The following EIF4B variants were observed in gnomAD, a reference collection of about 807,000 sequenced individuals.
EIF4B encodes eukaryotic translation initiation factor 4B.
Under a neutral mutation model 79.3 loss-of-function variants are expected in EIF4B, and 8 were observed. That is an observed-to-expected ratio of 0.10 (90% CI 0.06 to 0.18). EIF4B has a LOEUF of 0.18. Among genes scored for constraint, EIF4B ranks in the 10% least tolerant of loss-of-function variants. The probability of loss-of-function intolerance (pLI) is 1.00; values close to 1 mark genes in which losing one functional copy is unlikely to be tolerated. For missense variants in EIF4B, 515 were observed against 792.4 expected (o/e 0.65, Z 4.20); for synonymous variants, 238 against 274.7 (o/e 0.87, Z 1.32).
chr12:53,022,929 C>G (rs1378789178), intron 6 of EIF4B, among the ~76,000 whole-genome samples: 2 of 152,060 alleles, frequency 1.3e-5, no homozygotes, highest in African/African-American at 4.8e-5. Flanking sequence ...TTTGGGAGGT[C>G]AAGGCAGGTG....
chr12:53,019,432 TATATA>T lies in EIF4B; in HGVS notation c.360+427_360+431del, dbSNP rs201958131. Among the ~76,000 whole-genome samples the T allele has an allele frequency of 1.1e-3, 84 of 74,316 alleles. 1 individual carries two copies. Among genetic ancestry groups the T allele is most frequent in the East Asian group, 2.9e-3 (6 of 2,104 alleles). The allele number at this position is 74,316 out of a possible 152,430, so 48.8% of individuals were successfully genotyped here. A position where few individuals can be genotyped will look rare whatever the true frequency, so the allele number is the denominator to read the frequency against. On this transcript the variant is annotated intron_variant, in intron 3 of 14. Transcript: ENST00000262056. ...AAAAATAAAATCAAAATTATATATATATATATTTTTTTTTTTTCTTTTTTTTTTTT... is the reference window on the plus strand; with the variant it reads ...AAAAATAAAATCAAAATTATATATATTTTTTTTTTTTTCTTTTTTTTTTTT...
chr12:53,016,412 T>C (rs1360729816), intron 1 of EIF4B, 61 bp from the exon 2 acceptor site: 5 of 1,597,634 alleles, frequency 3.1e-6, no homozygotes, highest in South Asian at 1.1e-5. Context: ...AATATTGCAT[T>C]GTACAACTCT....
chr12:53,039,436 C>T, intron 13 of EIF4B, 93 bp downstream of exon 13: 1 of 1,257,538 alleles, frequency 8.0e-7, no homozygotes, highest in Non-Finnish European at 1.1e-6. Context: ...TGCCAGATCG[C>T]TCATTGTGAG....
chr12:53,016,623 T>C lies in EIF4B; in HGVS notation c.151+13T>C, dbSNP rs774501454. Reference sequence around the variant, plus strand: ...CTGGAAGGAGATGGTAACTTTTCTTTTGTCATCGTGTTTGGAATGTTTATT... The same window carrying C: ...CTGGAAGGAGATGGTAACTTTTCTTCTGTCATCGTGTTTGGAATGTTTATT... On this transcript the variant is annotated intron_variant, in intron 2 of 14. Transcript: ENST00000262056. The C allele has an allele frequency of 2.6e-6, 4 of 1,564,638 alleles. No individual in the cohort carries two copies. Among genetic ancestry groups the C allele is most frequent in the Non-Finnish European group, 2.6e-6 (3 of 1,159,548 alleles).
chr12:53,011,168 G>A (rs188164866), intron 1 of EIF4B, among the ~76,000 whole-genome samples: 1 of 152,242 alleles, frequency 6.6e-6, no homozygotes, highest in East Asian at 1.9e-4. Context: ...TTGGGAGGCT[G>A]CAGTGGGAGG....
intron 1 of EIF4B, among the ~76,000 whole-genome samples, chr12:53,007,579 C>G (rs1315652002): frequency 1.3e-5 from 2 of 151,982 alleles, no homozygotes; most frequent in Non-Finnish European, 1.5e-5. Flanking sequence ...TTCTAATGGG[C>G]TTATAAAAGC....
intron 1 of EIF4B, 43 bp from the exon 2 acceptor site, chr12:53,016,430 C>T (rs1304129904): frequency 6.2e-7 from 1 of 1,609,902 alleles, no homozygotes; most frequent in Admixed American, 1.7e-5. Context: ...TCTGTAAATA[C>T]CTGAGTATTG....
Position 53,039,346 on chromosome 12 carries a change from ATGC to A in EIF4B, c.1682+5_1682+7del. 1 of 1,576,944 alleles carries A rather than the reference ATGC, an allele frequency of 6.3e-7. No homozygotes were observed. The highest frequency in any genetic ancestry group is 8.7e-7 in the Non-Finnish European group (1 of 1,155,376). On this transcript the variant is annotated splice_donor_5th_base_variant and intron_variant, in intron 13 of 14. Coordinates refer to ENST00000262056, the MANE Select transcript of EIF4B (RefSeq NM_001417.7). Reference sequence around the variant, plus strand: ...GACCACTGGAAGGAGTCAGATAGGTATGCTTGTTCTCTTTCTCATCTTTCCTCT... The same window carrying A: ...GACCACTGGAAGGAGTCAGATAGGTATTGTTCTCTTTCTCATCTTTCCTCT...
Position 53,041,500 on chromosome 12 carries a change from T to G in EIF4B, c.*1277T>G, listed in dbSNP as rs143535265. ...TGAGGTGGCCAGACCAATGTGTTGT[T>G]TTGTTGTTGTTTTTTTAAGCTTCCC... On this transcript the variant is annotated 3_prime_UTR_variant, in exon 15 of 15. Transcript: ENST00000262056. 69 of 48,238 alleles carry G rather than the reference T, an allele frequency of 1.4e-3. No individual in the cohort carries two copies. The highest frequency in any genetic ancestry group is 6.0e-3 in the Admixed American group (18 of 2,976). 3.0% of individuals were successfully genotyped at this position (48,238 alleles called of 1,614,324 possible).
intron 10 of EIF4B, among the ~76,000 whole-genome samples, chr12:53,037,022 T>A (rs1302090757): frequency 2.6e-5 from 4 of 152,200 alleles, no homozygotes; most frequent in Non-Finnish European, 5.9e-5. Context: ...TGCATCATAG[T>A]CCATGTGTGT....
intron 8 of EIF4B, among the ~76,000 whole-genome samples, chr12:53,033,517 A>AT (rs1451356954): frequency 6.7e-6 from 1 of 148,968 alleles, no homozygotes; most frequent in African/African-American, 2.5e-5. Context: ...TAATTTTTGT[A>AT]TTTTTAGTAG....
At chr12:53,038,478 G>A in intron 12 of EIF4B, 67 bp downstream of exon 12, 1 of 1,468,258 alleles carries the variant, frequency 6.8e-7, no homozygotes. Context: ...TCCAAAATTA[G>A]ATTTTGAAGA....
At position 53,040,515 on chromosome 12, in the gene EIF4B, A is replaced by AG. The variant is rs1330634548; in HGVS notation, c.*296dup. 3.7e-6 allele frequency: 1 copy of AG among 268,328 alleles called. No individual in the cohort carries two copies. The highest frequency in any genetic ancestry group is 6.2e-5 in the South Asian group (1 of 16,236). The allele number at this position is 268,328 out of a possible 1,614,324, so 16.6% of individuals were successfully genotyped here. A position where few individuals can be genotyped will look rare whatever the true frequency, so the allele number is the denominator to read the frequency against. The stretch of plus-strand genomic sequence containing the variant: ...GCAGTTGCCAGTGTGATTAGTGCCT[A>AG]GGGGTCTCCATTTAGCAGAAATGGT... On this transcript the variant is annotated 3_prime_UTR_variant, in exon 15 of 15. Coordinates refer to ENST00000262056, the MANE Select transcript of EIF4B (RefSeq NM_001417.7).
intron 9 of EIF4B, among the ~76,000 whole-genome samples, chr12:53,034,360 T>G (rs1306266779): frequency 6.6e-6 from 1 of 152,222 alleles, no homozygotes; most frequent in Non-Finnish European, 1.5e-5. Context: ...CTGTGTTGAT[T>G]AGTAAAGAAG....
At chr12:53,020,173 A>G (rs1943224885) in intron 4 of EIF4B, 147 bp downstream of exon 4, 1 of 614,146 alleles carries the variant, frequency 1.6e-6, no homozygotes, top group African/African-American at 1.9e-5. Context: ...ACAGTGTATC[A>G]CTTAACATCG....
At chr12:53,039,591 C>T in intron 13 of EIF4B, 39 bp from the exon 14 acceptor site, 1 of 1,610,490 alleles carries the variant, frequency 6.2e-7, no homozygotes. Flanking sequence ...TAGGCGAGTC[C>T]TTTCCTAAAG....
intron 8 of EIF4B, among the ~76,000 whole-genome samples, chr12:53,033,093 C>T (rs530856425): frequency 6.6e-6 from 1 of 152,100 alleles, no homozygotes; most frequent in African/African-American, 2.4e-5. Context: ...GATCCTGGCT[C>T]ACCACAACCT....
intron 1 of EIF4B, among the ~76,000 whole-genome samples, chr12:53,008,302 G>C (rs1226617222): frequency 1.3e-5 from 2 of 152,204 alleles, no homozygotes; most frequent in Non-Finnish European, 2.9e-5. Flanking sequence ...CCATTCTCTT[G>C]TTCTTCCATA....
intron 1 of EIF4B, among the ~76,000 whole-genome samples, chr12:53,007,755 TGG>T (rs907589748): frequency 6.6e-5 from 10 of 152,236 alleles, no homozygotes; most frequent in African/African-American, 2.4e-4. Flanking sequence ...CTAAGGGTTT[TGG>T]TTGGCTTTGG....
Sources: allele counts gnomAD v4.1 joint callset (sites outside exome capture counted in the v4.1 genomes callset), GRCh38; gene constraint gnomAD v4.1.1; transcripts MANE v1.5; gene names NCBI Gene and HGNC (gene_info 2026-07-23, HGNC 2026-07-21).